The following GPC6 variants were observed in gnomAD, a reference collection of about 807,000 sequenced individuals.
GPC6 encodes the protein glypican 6, also known as glypican-6.
In GPC6, 14 loss-of-function variants were observed where a neutral mutation model predicts 55.2. The observed-to-expected ratio is 0.25, with a 90% CI of 0.17 to 0.40. The LOEUF is 0.40. Ranked by LOEUF, GPC6 falls within the 10% of genes least tolerant of loss-of-function variation. GPC6 has a pLI of 1.00. For synonymous variants in GPC6, 278 were observed against 259.6 expected (o/e 1.07, Z -0.68); for missense variants, 641 against 708.5 (o/e 0.90, Z 1.08).
chr13:93,996,034 A>C (rs968995299), intron 3 of GPC6, among the ~76,000 whole-genome samples: 1 of 152,238 alleles, frequency 6.6e-6, no homozygotes, highest in Non-Finnish European at 1.5e-5. Context: ...AAGTTCCAAT[A>C]ATAGTAATTT....
chr13:93,245,867 A>G (rs1160819166), intron 1 of GPC6, among the ~76,000 whole-genome samples: 1 of 152,218 alleles, frequency 6.6e-6, no homozygotes. Context: ...AGAGCAGTCT[A>G]TCCCATGTCT....
At chr13:93,661,258 G>C (rs1043243294) in intron 2 of GPC6, among the ~76,000 whole-genome samples, 3 of 151,982 alleles carry the variant, frequency 2.0e-5, no homozygotes, top group Admixed American at 2.0e-4. Context: ...CTGTCACCCA[G>C]GCTGGAGTGC....
At chr13:94,383,069 C>G (rs771797245) in intron 7 of GPC6, among the ~76,000 whole-genome samples, 1 of 152,124 alleles carries the variant, frequency 6.6e-6, no homozygotes, top group Non-Finnish European at 1.5e-5. Flanking sequence ...GAAGTCCCAT[C>G]GGAACCTCCT....
chr13:93,344,324 C>T (rs1183624604), intron 1 of GPC6, among the ~76,000 whole-genome samples: 11 of 152,328 alleles, frequency 7.2e-5, no homozygotes, highest in East Asian at 5.8e-4. Context: ...AGCATGGCTG[C>T]CTCCAGAGAA....
At chr13:93,277,553 T>C (rs1044793221) in intron 1 of GPC6, among the ~76,000 whole-genome samples, 1 of 152,184 alleles carries the variant, frequency 6.6e-6, no homozygotes, top group Non-Finnish European at 1.5e-5. Context: ...TATAACCCAA[T>C]TCCTCAAATC....
At chr13:93,763,223 T>C (rs1237467654) in intron 2 of GPC6, among the ~76,000 whole-genome samples, 1 of 152,226 alleles carries the variant, frequency 6.6e-6, no homozygotes, top group Non-Finnish European at 1.5e-5. Flanking sequence ...TAGACATAGG[T>C]TGCTTCTTAG....
intron 2 of GPC6, among the ~76,000 whole-genome samples, chr13:93,820,110 T>G (rs531814357): frequency 8.5e-5 from 13 of 152,328 alleles, no homozygotes; most frequent in African/African-American, 3.1e-4. Flanking sequence ...TGAAGTACTT[T>G]GGTGCAAGGT....
chr13:93,969,989 A>T (rs989786121), intron 3 of GPC6, among the ~76,000 whole-genome samples: 12 of 152,208 alleles, frequency 7.9e-5, no homozygotes, highest in Middle Eastern at 3.2e-3. Context: ...GGTGAGGTTA[A>T]GGGACTTACT....
intron 2 of GPC6, among the ~76,000 whole-genome samples, chr13:93,668,016 A>G (rs1299250908): frequency 6.6e-6 from 1 of 152,146 alleles, no homozygotes; most frequent in African/African-American, 2.4e-5. Flanking sequence ...TGAAATGTAA[A>G]ATATTTTCAA....
intron 6 of GPC6, among the ~76,000 whole-genome samples, chr13:94,328,365 A>G (rs1877233220): frequency 6.6e-6 from 1 of 152,130 alleles, no homozygotes; most frequent in Non-Finnish European, 1.5e-5. Context: ...AAGAATGACT[A>G]CTCTTAATTA....
intron 4 of GPC6, among the ~76,000 whole-genome samples, chr13:94,086,159 A>G (rs1161315279): frequency 1.3e-5 from 2 of 152,140 alleles, no homozygotes; most frequent in East Asian, 1.9e-4. Flanking sequence ...AGCTACTTAC[A>G]TGCATATTTT....
intron 2 of GPC6, among the ~76,000 whole-genome samples, chr13:93,659,591 C>T (rs1880832503): frequency 6.6e-6 from 1 of 152,038 alleles, no homozygotes; most frequent in Non-Finnish European, 1.5e-5. Context: ...GATCAATCAA[C>T]ATAGCTGTAT....
intron 2 of GPC6, among the ~76,000 whole-genome samples, chr13:93,645,629 G>A (rs1030598691): frequency 6.6e-6 from 1 of 152,178 alleles, no homozygotes; most frequent in South Asian, 2.1e-4. Context: ...AAGTCCTCAC[G>A]TTTTGTCGAT....
chr13:93,920,906 C>G (rs1016740312), intron 3 of GPC6, among the ~76,000 whole-genome samples: 1 of 152,138 alleles, frequency 6.6e-6, no homozygotes, highest in Non-Finnish European at 1.5e-5. Context: ...AGCCTTAGGT[C>G]CCTCCATGTT....
At chr13:94,139,161 G>A (rs1049101672) in intron 4 of GPC6, among the ~76,000 whole-genome samples, 9 of 151,822 alleles carry the variant, frequency 5.9e-5, no homozygotes, top group South Asian at 2.1e-4. Context: ...TGAAGGACCC[G>A]CAAAACCTGT....
intron 2 of GPC6, among the ~76,000 whole-genome samples, chr13:93,610,714 G>A (rs1273896767): frequency 6.6e-6 from 1 of 151,922 alleles, no homozygotes; most frequent in African/African-American, 2.4e-5. Flanking sequence ...ACTTACATAA[G>A]TAATTGAAAA....
At chr13:94,355,203 T>C (rs1878736109) in intron 6 of GPC6, among the ~76,000 whole-genome samples, 1 of 152,092 alleles carries the variant, frequency 6.6e-6, no homozygotes, top group Admixed American at 6.5e-5. Context: ...TTTGTATTTT[T>C]AGTAGAGACA....
chr13:93,933,541 T>C (rs1878286950), intron 3 of GPC6, among the ~76,000 whole-genome samples: 1 of 152,064 alleles, frequency 6.6e-6, no homozygotes, highest in Non-Finnish European at 1.5e-5. Flanking sequence ...TTTTTCCATC[T>C]GGAAATAGGA....
chr13:93,880,332 T>A (rs1345435729), intron 3 of GPC6, among the ~76,000 whole-genome samples: 1 of 152,014 alleles, frequency 6.6e-6, no homozygotes, highest in Non-Finnish European at 1.5e-5. Flanking sequence ...CCAATAATGA[T>A]AGACTGGATT....
Sources: allele counts gnomAD v4.1 joint callset (sites outside exome capture counted in the v4.1 genomes callset), GRCh38; gene constraint gnomAD v4.1.1; transcripts MANE v1.5; gene names NCBI Gene and HGNC (gene_info 2026-07-23, HGNC 2026-07-21).